CPLANE1: variants seen among roughly 807,000 people sequenced by gnomAD.
CPLANE1 encodes the protein ciliogenesis and planar polarity effector complex subunit 1, also known as ciliogenesis and planar polarity effector 1.
Under a neutral mutation model 362.5 loss-of-function variants are expected in CPLANE1, and 263 were observed. The observed-to-expected ratio is 0.73, with a 90% CI of 0.66 to 0.80. The LOEUF (loss-of-function observed/expected upper bound fraction) is 0.80. CPLANE1 is among the 30% of genes least tolerant of loss of function. CPLANE1 has a pLI of 0.00. For missense variants in CPLANE1, 3,461 were observed against 3,793.4 expected, an observed-to-expected ratio of 0.91 and a Z score of 2.30; for synonymous variants, 1,212 against 1,302.6, an observed-to-expected ratio of 0.93 and a Z score of 1.50.
intron 24 of CPLANE1, 104 bp from the exon 25 acceptor site, chr5:37,185,183 A>G (rs1015499553): frequency 5.3e-6 from 5 of 935,666 alleles, no homozygotes; most frequent in Non-Finnish European, 7.9e-6. Flanking sequence ...AACCTAACTG[A>G]TGACTAAGGC....
rs1183719989 is a variant in CPLANE1, at chr5:37,221,438, A to T, written c.2632T>A (p.Tyr878Asn). The change falls in exon 15 of 53, where the codon TAC becomes AAC. Residue 878 changes from tyrosine to asparagine, a missense_variant. Coordinates refer to ENST00000651892, the MANE Select transcript of CPLANE1 (RefSeq NM_001384732.1). The stretch of plus-strand genomic sequence containing the variant: ...AAATTATAGCTATAGAGGTGGCAGT[A>T]TAAGAGAGAAAGATAATAGCGTATC... Reference protein sequence around the residue: ...LQIRYYLSLLYCHLYSYNLND... With the variant: ...LQIRYYLSLLNCHLYSYNLND... 6 of 1,522,694 alleles carry T rather than the reference A, an allele frequency of 3.9e-6. No homozygotes were observed. The highest frequency in any genetic ancestry group is 5.3e-6 in the Non-Finnish European group (6 of 1,137,036). The allele number at this position is 1,522,694 out of a possible 1,614,324, so 94.3% of individuals were successfully genotyped here. A position where few individuals can be genotyped will look rare whatever the true frequency, so the allele number is the denominator to read the frequency against.
At chr5:37,122,809 AG>A (rs1340289598) in intron 47 of CPLANE1, among the ~76,000 whole-genome samples, 1 of 152,136 alleles carries the variant, frequency 6.6e-6, no homozygotes, top group Non-Finnish European at 1.5e-5. Context: ...GCTACCTGGG[AG>A]GCGGAGGCTG....
chr5:37,130,796 T>A (rs1321934170), intron 46 of CPLANE1: 2 of 152,716 alleles, frequency 1.3e-5, no homozygotes, highest in Non-Finnish European at 2.9e-5. Context: ...ATTTTATTTT[T>A]AAAAATCTTA....
At chr5:37,140,998 G>A (rs768892270) in intron 44 of CPLANE1, 2 of 985,214 alleles carry the variant, frequency 2.0e-6, no homozygotes, top group Non-Finnish European at 2.4e-6. Flanking sequence ...TTATACCTTT[G>A]CCTTAGACTC....
intron 51 of CPLANE1, among the ~76,000 whole-genome samples, chr5:37,111,814 G>T (rs1046998450): frequency 2.0e-5 from 3 of 151,660 alleles, no homozygotes; most frequent in African/African-American, 7.3e-5. Flanking sequence ...TATTAATAAG[G>T]AACAAATTTT....
rs770932479 is a variant in CPLANE1 at position 37,157,411 on chromosome 5, G to A, written c.8021C>T (p.Pro2674Leu). 1 of 1,467,088 alleles carries A rather than the reference G, an allele frequency of 6.8e-7. No homozygotes were observed. Among genetic ancestry groups the A allele is most frequent in the South Asian group, 1.1e-5 (1 of 88,968 alleles). The allele number at this position is 1,467,088 out of a possible 1,614,324, so 90.9% of individuals were successfully genotyped here. The change falls in exon 41 of 53, where the codon CCA (proline) becomes CTA (leucine). Residue 2674 changes from proline to leucine, a missense_variant. By Grantham distance (98) the Pro-to-Leu change is moderately conservative. Transcript: ENST00000651892. ...PHNFKSQEVTPACLDGKSLRA... is the reference protein window; with the variant it reads ...PHNFKSQEVTLACLDGKSLRA... Reference sequence around the variant, plus strand: ...CAAGCTTTTTCCATCCAGACAAGCTGGAGTTACTTCTGCAGGTTTAGAAAA... The same window carrying A: ...CAAGCTTTTTCCATCCAGACAAGCTAGAGTTACTTCTGCAGGTTTAGAAAA...
chr5:37,129,995 A>G (rs1765305005), intron 46 of CPLANE1, among the ~76,000 whole-genome samples: 1 of 152,222 alleles, frequency 6.6e-6, no homozygotes, highest in African/African-American at 2.4e-5. Context: ...AACCAGCCCA[A>G]ATGCCCATCA....
chr5:37,134,263 G>C (rs78469930), intron 46 of CPLANE1, among the ~76,000 whole-genome samples: 6,948 of 152,122 alleles, frequency 0.046, 542 homozygotes, highest in African/African-American at 0.16. Context: ...GAATCCATCT[G>C]GTCTGGGGCT....
intron 32 of CPLANE1, among the ~76,000 whole-genome samples, chr5:37,172,714 A>T (rs1299608734): frequency 1.3e-5 from 2 of 152,230 alleles, no homozygotes; most frequent in African/African-American, 2.4e-5. Context: ...AGCTGGGCAC[A>T]GCGGCTCACG....
intron 16 of CPLANE1, chr5:37,210,150 C>G (rs138458377): frequency 3.7e-6 from 4 of 1,082,090 alleles, no homozygotes; most frequent in Non-Finnish European, 2.8e-6. Flanking sequence ...CCTTGTTATT[C>G]GGGAAAAGAG....
chr5:37,094,066 T>C, the CPLANE1 span, among the ~76,000 whole-genome samples: 1 of 152,198 alleles, frequency 6.6e-6, no homozygotes, highest in African/African-American at 2.4e-5. Context: ...TACCCTCTAA[T>C]GGTGTTTACT....
intron 42 of CPLANE1, among the ~76,000 whole-genome samples, chr5:37,150,041 G>T: frequency 6.6e-6 from 1 of 152,142 alleles, no homozygotes. Flanking sequence ...AGCCCTATCA[G>T]AATTTTTGAG....
intron 46 of CPLANE1, among the ~76,000 whole-genome samples, chr5:37,127,920 G>T (rs933833041): frequency 5.9e-5 from 9 of 151,724 alleles, no homozygotes; most frequent in Admixed American, 4.6e-4. Flanking sequence ...CACATCTGTG[G>T]TCACAGCTAC....
the CPLANE1 span, among the ~76,000 whole-genome samples, chr5:37,081,692 C>T: frequency 6.6e-6 from 1 of 152,062 alleles, no homozygotes; most frequent in South Asian, 2.1e-4. Context: ...GAAATGGTGC[C>T]TGAAATTTTC....
the CPLANE1 span, among the ~76,000 whole-genome samples, chr5:37,101,076 T>C: frequency 7.7e-4 from 117 of 152,326 alleles, no homozygotes; most frequent in African/African-American, 2.7e-3. Flanking sequence ...TTTAACTTCC[T>C]CTCTTCCTAT....
intron 25 of CPLANE1, 142 bp from the exon 26 acceptor site, chr5:37,183,841 G>C: frequency 1.7e-6 from 1 of 598,512 alleles, no homozygotes; most frequent in East Asian, 2.9e-5. Context: ...TCAAATGAGG[G>C]AGTGGGACTA....
At chr5:37,139,186 A>G (rs908990330) in intron 45 of CPLANE1, among the ~76,000 whole-genome samples, 154 bp downstream of exon 45, 3 of 152,118 alleles carry the variant, frequency 2.0e-5, no homozygotes, top group Non-Finnish European at 2.9e-5. Flanking sequence ...ACAATCCTCA[A>G]TTTCTTAAAA....
At chr5:37,213,133 A>T (rs988269351) in intron 16 of CPLANE1, among the ~76,000 whole-genome samples, 3 of 152,178 alleles carry the variant, frequency 2.0e-5, no homozygotes, top group African/African-American at 7.2e-5. Flanking sequence ...GCTTGAACCC[A>T]GGAGGTGGAG....
At chr5:37,090,876 C>G in the CPLANE1 span, among the ~76,000 whole-genome samples, 11 of 152,190 alleles carry the variant, frequency 7.2e-5, no homozygotes, top group African/African-American at 2.4e-4. Context: ...CCTGTGTGCT[C>G]TTTTTCTTTG....
Sources: allele counts gnomAD v4.1 joint callset (sites outside exome capture counted in the v4.1 genomes callset), GRCh38; gene constraint gnomAD v4.1.1; transcripts MANE v1.5; gene names NCBI Gene and HGNC (gene_info 2026-07-23, HGNC 2026-07-21).